MROH2B: variants seen among roughly 807,000 people sequenced by gnomAD.
MROH2B encodes the protein maestro heat-like repeat-containing protein family member 2B.
In MROH2B, 177 loss-of-function variants were observed where a neutral mutation model predicts 208.6. That is an observed-to-expected ratio of 0.85 (90% CI 0.75 to 0.96). MROH2B has a LOEUF of 0.96. MROH2B is among the 40% of genes least tolerant of loss of function. MROH2B has a pLI of 0.00. For synonymous variants in MROH2B, 728 were observed against 659.0 expected (o/e 1.10, Z -1.60); for missense variants, 2,002 against 1,878.7 (o/e 1.07, Z -1.21).
chr5:41,004,133 T>C (rs1437365402), intron 37 of MROH2B, among the ~76,000 whole-genome samples: 1 of 152,176 alleles, frequency 6.6e-6, no homozygotes, highest in Non-Finnish European at 1.5e-5. Context: ...CTCAACTAGC[T>C]TAGATCAATC....
chr5:41,022,408 C>T (rs62357106), intron 24 of MROH2B, among the ~76,000 whole-genome samples: 24,877 of 152,172 alleles, frequency 0.16, 2,173 homozygotes, highest in East Asian at 0.3. Context: ...TTATATCCCG[C>T]GCCTGGCTTG....
At chr5:40,998,267 G>A in intron 41 of MROH2B, 109 bp from the exon 42 acceptor site, 1 of 765,354 alleles carries the variant, frequency 1.3e-6, no homozygotes. Context: ...AGACCCAAGT[G>A]GGGCTCAGGT....
Position 41,012,774 on chromosome 5 carries a change from C to A in MROH2B, c.2983-39G>T, listed in dbSNP as rs545488211. 2.1e-5 allele frequency: 33 copies of A among 1,609,146 alleles called. No individual in the cohort carries two copies. In the South Asian group the frequency reaches 3.7e-4, roughly 18 times the overall value. On this transcript the variant is annotated intron_variant, in intron 29 of 41. Transcript: ENST00000399564. ...CAGAAAGATTCGTGTAATCAACCAC[C>A]CCATTTTATATCTAGATACTTACAA...
At chr5:41,021,957 G>A (rs575640273) in intron 24 of MROH2B, among the ~76,000 whole-genome samples, 8 of 152,290 alleles carry the variant, frequency 5.3e-5, no homozygotes, top group South Asian at 2.1e-4. Flanking sequence ...AATGAACTAC[G>A]ACAAGGGTGC....
rs1561304356 is a variant in MROH2B at position 41,057,102 on chromosome 5, G to A, written c.919+7C>T. 1 of 1,613,830 alleles carries A rather than the reference G, an allele frequency of 6.2e-7. No individual in the cohort carries two copies. Among genetic ancestry groups the A allele is most frequent in the Non-Finnish European group, 8.5e-7 (1 of 1,179,794 alleles). On this transcript the variant is annotated splice_region_variant and intron_variant, in intron 9 of 41. Coordinates refer to ENST00000399564, the MANE Select transcript of MROH2B (RefSeq NM_173489.5). Reference sequence around the variant, plus strand: ...TTTATTAAAAGCCTTCTGGATGCTGGTCCTACCTAGAATGAGAAAACAGCT... The same window carrying A: ...TTTATTAAAAGCCTTCTGGATGCTGATCCTACCTAGAATGAGAAAACAGCT...
intron 17 of MROH2B, among the ~76,000 whole-genome samples, chr5:41,046,715 C>T (rs1743131125): frequency 6.6e-6 from 1 of 151,840 alleles, no homozygotes; most frequent in Non-Finnish European, 1.5e-5. Context: ...TCAAGACTTC[C>T]TACTAGAAAA....
chr5:41,050,642 C>T lies in MROH2B; in HGVS notation c.1344+335G>A, dbSNP rs768283295. Reference sequence around the variant, plus strand: ...GAGAATGGCTGCTTTTAACACATTCCCAGGTGGAATAGGGTAAGTTTGGCA... The same window carrying T: ...GAGAATGGCTGCTTTTAACACATTCTCAGGTGGAATAGGGTAAGTTTGGCA... On this transcript the variant is annotated intron_variant, in intron 13 of 41. Coordinates refer to ENST00000399564, the MANE Select transcript of MROH2B (RefSeq NM_173489.5). 7.4e-4 allele frequency among the ~76,000 whole-genome samples: 112 copies of T among 152,124 alleles called. 1 individual carries two copies. Among genetic ancestry groups the T allele is most frequent in the Admixed American group, 3.6e-3 (55 of 15,260 alleles).
At chr5:41,011,228 G>T (rs913951411) in intron 30 of MROH2B, among the ~76,000 whole-genome samples, 3 of 152,146 alleles carry the variant, frequency 2.0e-5, no homozygotes, top group Non-Finnish European at 4.4e-5. Context: ...ATTTTGGATA[G>T]ACATTTAAGT....
At chr5:41,044,514 G>T (rs325857) in intron 18 of MROH2B, among the ~76,000 whole-genome samples, 1 of 152,072 alleles carries the variant, frequency 6.6e-6, no homozygotes, top group African/African-American at 2.4e-5. Flanking sequence ...CTCTGCCTAC[G>T]GGTACCACCA....
At chr5:41,009,450 TC>T in intron 31 of MROH2B, 44 bp from the exon 32 acceptor site, 1 of 1,600,914 alleles carries the variant, frequency 6.2e-7, no homozygotes, top group Non-Finnish European at 8.5e-7. Flanking sequence ...GCACAACCCC[TC>T]GGGCTGTAAG....
rs779441392 is a variant in MROH2B at position 41,017,858 on chromosome 5, T to C, written c.2876A>G (p.Tyr959Cys). 30 of 1,593,838 alleles carry C rather than the reference T, an allele frequency of 1.9e-5. No homozygotes were observed. Among genetic ancestry groups the C allele is most frequent in the African/African-American group, 2.7e-5 (2 of 74,658 alleles). Residue 959 changes from tyrosine to cysteine, a missense_variant, in exon 28 of 42, where the codon TAT (tyrosine) becomes TGT (cysteine). Tyr to Cys is a radical substitution (Grantham distance 194). Coordinates refer to ENST00000399564, the MANE Select transcript of MROH2B (RefSeq NM_173489.5). ...AAASSTIGLF[Y>C]IKGIHLEVER... ...CCCCATCTTTCCCTCACCTTTTATA[T>C]AGAACAGACCAATAGTTGAGCTAGC...
chr5:41,003,688 T>C (rs1180431596), intron 37 of MROH2B, among the ~76,000 whole-genome samples: 2 of 152,220 alleles, frequency 1.3e-5, no homozygotes, highest in Admixed American at 1.3e-4. Flanking sequence ...CCTTAATGTT[T>C]ATGAAGAATG....
At chr5:41,048,280 T>C (rs763087510) in intron 16 of MROH2B, 44 bp downstream of exon 16, 3 of 1,548,928 alleles carry the variant, frequency 1.9e-6, no homozygotes, top group African/African-American at 1.4e-5. Flanking sequence ...TATTTCTTTA[T>C]GTTCTTGCCC....
At chr5:41,039,670 T>C (rs1430708767) in intron 19 of MROH2B, 115 bp from the exon 20 acceptor site, 3 of 656,248 alleles carry the variant, frequency 4.6e-6, no homozygotes, top group Non-Finnish European at 7.7e-6. Flanking sequence ...TACAGTAGTT[T>C]GCAGAACATA....
At chr5:41,049,221 T>C (rs377233227) in intron 14 of MROH2B, 59 bp downstream of exon 14, 20 of 1,609,940 alleles carry the variant, frequency 1.2e-5, no homozygotes, top group Non-Finnish European at 1.6e-5. Flanking sequence ...CACTGTAGCC[T>C]TCCTGGAAAT....
rs764105912 is a variant in MROH2B at position 41,000,647 on chromosome 5, G to A, written c.4350+31C>T. 2.4e-5 allele frequency: 38 copies of A among 1,587,568 alleles called. No individual in the cohort carries two copies. The South Asian group carries it at 4.2e-4, about 18-fold the overall frequency. On this transcript the variant is annotated intron_variant, in intron 38 of 41. Coordinates refer to ENST00000399564, the MANE Select transcript of MROH2B (RefSeq NM_173489.5). ...GTACTTCTCAGCCATGGGGAGAGCA[G>A]GAGGTGCAGGTGTCTGTGGAGAGCA...
intron 24 of MROH2B, among the ~76,000 whole-genome samples, chr5:41,019,256 AATC>A (rs1333029341): frequency 6.6e-6 from 1 of 152,132 alleles, no homozygotes; most frequent in Admixed American, 6.5e-5. Context: ...TTGATGAACA[AATC>A]ATCACTCACT....
rs1176262967 is a variant in MROH2B at position 41,004,351 on chromosome 5, C to T, written c.4189G>A (p.Glu1397Lys). 6.2e-7 allele frequency: 1 copy of T among 1,612,714 alleles called. No individual in the cohort carries two copies. Among genetic ancestry groups the T allele is most frequent in the Admixed American group, 1.7e-5 (1 of 59,708 alleles). The part of the protein sequence containing the change: ...EIVLQTRTFF[E>K]DEQDDVRLTA... ...TCCTAAACAGGCTCACTTACATCTTCAAAGAAGGTCCTTGTTTGCAGCACT... is the reference window on the plus strand; with the variant it reads ...TCCTAAACAGGCTCACTTACATCTTTAAAGAAGGTCCTTGTTTGCAGCACT... The change falls in exon 37 of 42, where the codon GAA (glutamate) becomes AAA (lysine). Residue 1397 changes from glutamate to lysine, a missense_variant. Coordinates refer to ENST00000399564, the MANE Select transcript of MROH2B (RefSeq NM_173489.5).
At chr5:41,023,873 A>G (rs4331942) in intron 24 of MROH2B, among the ~76,000 whole-genome samples, 116,548 of 152,052 alleles carry the variant, frequency 0.77, 45,004 homozygotes, top group Non-Finnish European at 0.81. Flanking sequence ...AGTAGGGGCC[A>G]ATATTCAACA....
Sources: gnomAD v4.1 joint callset for allele counts (sites outside exome capture counted in the v4.1 genomes callset) on GRCh38, gnomAD v4.1.1 for gene constraint, MANE v1.5 for transcripts, NCBI Gene and HGNC (gene_info 2026-07-23, HGNC 2026-07-21) for gene names.